Variants in CRB1 observed in about 807,000 individuals in gnomAD.
The protein encoded by CRB1 is crumbs cell polarity complex component 1, also known as protein crumbs homolog 1.
Under a neutral mutation model 120.0 loss-of-function variants are expected in CRB1, and 83 were observed. The observed-to-expected ratio is 0.69, with a 90% CI of 0.58 to 0.83. The LOEUF is 0.83. Among genes scored for constraint, CRB1 ranks in the 40% least tolerant of loss-of-function variants. The pLI is 0.00. For missense variants in CRB1, 1,699 were observed against 1,687.6 expected (o/e 1.01, Z -0.12); for synonymous variants, 625 against 612.5 (o/e 1.02, Z -0.30).
At chr1:197,418,751 A>G (rs945402493) in intron 5 of CRB1, among the ~76,000 whole-genome samples, 3 of 152,218 alleles carry the variant, frequency 2.0e-5, no homozygotes, top group African/African-American at 7.2e-5. Context: ...AAAATTAATT[A>G]CTAAATGGTG....
In CRB1 at chr1:197,300,290, G is replaced by T. The variant is rs187333254; in HGVS notation, c.71-28132G>T. 5.3e-5 allele frequency among the ~76,000 whole-genome samples: 8 copies of T among 152,074 alleles called. No homozygotes were observed. The East Asian group carries it at 1.5e-3, about 29-fold the overall frequency. ...ACTAAGATAGGCTGAAACTAATCCT[G>T]TTGTGCCAAACAGCCAAGATGTCAA... is the stretch of plus-strand genomic sequence containing the variant. On this transcript the variant is annotated intron_variant, in intron 1 of 11. Coordinates refer to ENST00000367400, the MANE Select transcript of CRB1 (RefSeq NM_201253.3).
At chr1:197,255,338 A>G in the CRB1 span, among the ~76,000 whole-genome samples, 1 of 152,030 alleles carries the variant, frequency 6.6e-6, no homozygotes, top group Non-Finnish European at 1.5e-5. Flanking sequence ...ACTCCACACC[A>G]CCATAGTTCC....
intron 5 of CRB1, among the ~76,000 whole-genome samples, chr1:197,400,434 T>C (rs1159565571): frequency 6.6e-6 from 1 of 151,580 alleles, no homozygotes; most frequent in Non-Finnish European, 1.5e-5. Flanking sequence ...TCCTCCCATC[T>C]TGGCCTCTAG....
the CRB1 span, among the ~76,000 whole-genome samples, chr1:197,203,367 T>A: frequency 6.6e-6 from 1 of 152,186 alleles, no homozygotes; most frequent in South Asian, 2.1e-4. Context: ...TCACCCAGGC[T>A]GGAGTGCAGT....
At chr1:197,293,304 C>T (rs1414024097) in intron 1 of CRB1, among the ~76,000 whole-genome samples, 7 of 152,066 alleles carry the variant, frequency 4.6e-5, no homozygotes, top group East Asian at 1.9e-4. Flanking sequence ...AGTGAACTCC[C>T]ATTCACAATT....
At chr1:197,444,189 A>G (rs1665592588) in intron 11 of CRB1, 1 of 152,240 alleles carries the variant, frequency 6.6e-6, no homozygotes, top group Non-Finnish European at 1.5e-5. Flanking sequence ...AGCATATAGT[A>G]TGAAGTAATA....
rs772476137 is a variant in CRB1, at chr1:197,427,862, G to A, written c.2537G>A (p.Gly846Glu). 1 of 1,613,964 alleles carries A rather than the reference G, an allele frequency of 6.2e-7. No individual in the cohort carries two copies. The highest frequency in any genetic ancestry group is 8.5e-7 in the Non-Finnish European group (1 of 1,179,958). ...PDKQETELNG[G>E]FFKGCIQDVR... ...AAGCAAGAGACTGAACTTAATGGTG[G>A]ATTCTTCAAAGGCTGTATCCAAGAT... The change falls in exon 7 of 12, where the codon GGA becomes GAA. Residue 846 changes from glycine (G) to glutamate (E), a missense_variant. Transcript: ENST00000367400.
At chr1:197,458,591 C>T (rs1015159100) in intron 11 of CRB1, among the ~76,000 whole-genome samples, 8 of 151,972 alleles carry the variant, frequency 5.3e-5, no homozygotes, top group Non-Finnish European at 1.0e-4. Context: ...TTTCATAAGT[C>T]CCATGGCAAT....
chr1:197,237,327 G>A, the CRB1 span, among the ~76,000 whole-genome samples: 7 of 152,064 alleles, frequency 4.6e-5, no homozygotes, highest in East Asian at 1.9e-4. Context: ...CTGAGAAGTC[G>A]AAGATCAAGG....
the CRB1 span, among the ~76,000 whole-genome samples, chr1:197,226,019 G>T: frequency 6.6e-6 from 1 of 151,986 alleles, no homozygotes; most frequent in Non-Finnish European, 1.5e-5. Context: ...TCGTGCCTCA[G>T]TCTCCTGAGG....
rs1558132353 is a variant in CRB1 at position 197,427,901 on chromosome 1, AC to A, written c.2578del (p.Gln860LysfsTer22). 6.2e-7 allele frequency: 1 copy of A among 1,613,896 alleles called. No individual in the cohort carries two copies. The highest frequency in any genetic ancestry group is 1.7e-5 in the Admixed American group (1 of 59,978). Reference sequence around the variant, plus strand: ...TGTATCCAAGATGTAAGACTAAACAACCAAAATCTGGAATTCTTTCCAAATC... The same window carrying A: ...TGTATCCAAGATGTAAGACTAAACAACAAAATCTGGAATTCTTTCCAAATC... ...KGCIQDVRLNNQNLEFFPNPT... is the reference protein window; with the variant it reads ...KGCIQDVRLNXQNLEFFPNPT... On this transcript the variant is annotated frameshift_variant, in exon 7 of 12. Coordinates refer to ENST00000367400, the MANE Select transcript of CRB1 (RefSeq NM_201253.3). LOFTEE classifies it high-confidence loss of function.
chr1:197,274,100 T>G (rs764786066), intron 1 of CRB1, among the ~76,000 whole-genome samples: 5 of 152,122 alleles, frequency 3.3e-5, no homozygotes, highest in Non-Finnish European at 7.4e-5. Flanking sequence ...TATTGATGCC[T>G]CTAACTCCAT....
At chr1:197,405,754 C>T (rs188579526) in intron 5 of CRB1, among the ~76,000 whole-genome samples, 10,918 of 150,276 alleles carry the variant, frequency 0.073, 495 homozygotes, top group Non-Finnish European at 0.097. Flanking sequence ...GGAGACCCTC[C>T]GCCTGGCAAC....
chr1:197,356,784 A>G, intron 4 of CRB1, 47 bp from the exon 5 acceptor site: 1 of 1,601,586 alleles, frequency 6.2e-7, no homozygotes, highest in Non-Finnish European at 8.6e-7. Flanking sequence ...ATGCTCTATA[A>G]TTCAACACCT....
intron 11 of CRB1, among the ~76,000 whole-genome samples, chr1:197,465,618 C>T (rs562826197): frequency 6.6e-6 from 1 of 152,292 alleles, no homozygotes; most frequent in Non-Finnish European, 1.5e-5. Context: ...ACCAGCCTCT[C>T]AGCTTCACAG....
At chr1:197,353,413 A>C (rs1660219859) in intron 4 of CRB1, among the ~76,000 whole-genome samples, 1 of 152,198 alleles carries the variant, frequency 6.6e-6, no homozygotes, top group Non-Finnish European at 1.5e-5. Flanking sequence ...TTAGTTTACA[A>C]GTTTTATAAT....
At chr1:197,475,159 A>G (rs1234070078) in intron 11 of CRB1, among the ~76,000 whole-genome samples, 2 of 152,194 alleles carry the variant, frequency 1.3e-5, no homozygotes, top group African/African-American at 4.8e-5. Context: ...AGTAATATGA[A>G]GGAGAGATGG....
the CRB1 span, among the ~76,000 whole-genome samples, chr1:197,252,196 G>C: frequency 3.1e-3 from 472 of 151,810 alleles, 1 homozygote; most frequent in African/African-American, 0.011. Context: ...GAACATAGCT[G>C]TGCTCCAATA....
the CRB1 span, among the ~76,000 whole-genome samples, chr1:197,234,179 C>G: frequency 2.6e-5 from 4 of 152,202 alleles, no homozygotes; most frequent in African/African-American, 9.7e-5. Context: ...TGATAATCTT[C>G]TCTGGTTCCT....
Sources: gnomAD v4.1 joint callset for allele counts (sites outside exome capture counted in the v4.1 genomes callset) on GRCh38, gnomAD v4.1.1 for gene constraint, MANE v1.5 for transcripts, NCBI Gene and HGNC (gene_info 2026-07-23, HGNC 2026-07-21) for gene names.